The following ARHGAP31 variants were observed in gnomAD, a reference collection of about 807,000 sequenced individuals.
ARHGAP31 encodes Rho GTPase activating protein 31.
Under a neutral mutation model 113.9 loss-of-function variants are expected in ARHGAP31, and 34 were observed. The observed-to-expected ratio is 0.30, with a 90% confidence interval of 0.23 to 0.40. The LOEUF is 0.40. Ranked by LOEUF, ARHGAP31 falls within the 10% of genes least tolerant of loss-of-function variation. The pLI, the probability that ARHGAP31 is intolerant of heterozygous loss-of-function variation, is 1.00. For missense variants in ARHGAP31, 1,548 were observed against 1,767.1 expected, an observed-to-expected ratio of 0.88 and a Z score of 2.22; for synonymous variants, 650 against 684.8, an observed-to-expected ratio of 0.95 and a Z score of 0.79.
Position 119,401,935 on chromosome 3 carries a change from G to A in ARHGAP31, c.1183G>A (p.Glu395Lys). 2 of 1,614,134 alleles carry A rather than the reference G, an allele frequency of 1.2e-6. No individual in the cohort carries two copies. Among genetic ancestry groups the A allele is most frequent in the Non-Finnish European group, 1.7e-6 (2 of 1,180,016 alleles). Residue 395 changes from glutamate to lysine, a missense_variant, in exon 10 of 12, where the codon GAG becomes AAG. By Grantham distance (56) the Glu-to-Lys change is moderately conservative. Coordinates refer to ENST00000264245, the MANE Select transcript of ARHGAP31 (RefSeq NM_020754.4). ...TGSSCDLTKQ[E>K]GEWGQEGMPP... ...CAGCTCATGTGACCTCACCAAGCAG[G>A]AGGGCGAATGGGGCCAGGAGGGGAT...
At chr3:119,359,915 C>G (rs1355609676) in intron 1 of ARHGAP31, among the ~76,000 whole-genome samples, 2 of 152,134 alleles carry the variant, frequency 1.3e-5, no homozygotes, top group African/African-American at 4.8e-5. Flanking sequence ...AGGATTTCTT[C>G]CTGTGCAGTG....
intron 1 of ARHGAP31, among the ~76,000 whole-genome samples, chr3:119,297,201 G>A (rs1299323147): frequency 1.3e-5 from 2 of 152,144 alleles, no homozygotes; most frequent in Admixed American, 6.5e-5. Context: ...GTTTTTTTCT[G>A]TGTATTTGTG....
intron 6 of ARHGAP31, among the ~76,000 whole-genome samples, chr3:119,390,473 C>T (rs1452065958): frequency 6.6e-6 from 1 of 152,194 alleles, no homozygotes; most frequent in Non-Finnish European, 1.5e-5. Context: ...GTCACTCTGG[C>T]TCACAGTGAG....
intron 1 of ARHGAP31, among the ~76,000 whole-genome samples, chr3:119,315,002 C>T (rs1297622903): frequency 6.6e-6 from 1 of 152,232 alleles, no homozygotes; most frequent in Non-Finnish European, 1.5e-5. Context: ...CCCTCCTCCA[C>T]ACCCTTGTGC....
chr3:119,370,090 C>T (rs1008097124), intron 3 of ARHGAP31, among the ~76,000 whole-genome samples: 2 of 152,154 alleles, frequency 1.3e-5, no homozygotes, highest in Admixed American at 1.3e-4. Flanking sequence ...TCCTTTAGAT[C>T]TAAGGCAGAA....
chr3:119,395,129 GA>G (rs1157193527), intron 8 of ARHGAP31, among the ~76,000 whole-genome samples: 1 of 152,164 alleles, frequency 6.6e-6, no homozygotes, highest in East Asian at 1.9e-4. Context: ...AGATTTGGGG[GA>G]AAATTAATTC....
chr3:119,413,934 C>T lies in ARHGAP31; in HGVS notation c.2005C>T (p.Leu669Phe). 2 of 1,614,170 alleles carry T rather than the reference C, an allele frequency of 1.2e-6. No individual in the cohort carries two copies. Among genetic ancestry groups the T allele is most frequent in the Non-Finnish European group, 1.7e-6 (2 of 1,180,026 alleles). Residue 669 changes from leucine (L) to phenylalanine (F), a missense_variant, in exon 12 of 12, where the codon CTC becomes TTC. Leu to Phe is a conservative substitution (Grantham distance 22). Transcript: ENST00000264245. ...ELKIIESEEE[L>F]SSLPPPALKT... is the part of the protein sequence containing the mutation. ...GAAAATCATTGAATCTGAGGAGGAG[C>T]TCTCATCGTTGCCACCTCCTGCTCT...
rs2080790568 is a variant in ARHGAP31 at position 119,417,695 on chromosome 3, T to C, written c.*1431T>C. ...CAACTCTGTATACAAGCAGAAGCAATAAACCAATCTGATTTTCTTTTCAAT... is the reference window on the plus strand; with the variant it reads ...CAACTCTGTATACAAGCAGAAGCAACAAACCAATCTGATTTTCTTTTCAAT... On this transcript the variant is annotated 3_prime_UTR_variant, in exon 12 of 12. Transcript: ENST00000264245. 1 of 152,002 alleles carries C rather than the reference T, an allele frequency of 6.6e-6. No individual in the cohort carries two copies. Among genetic ancestry groups the C allele is most frequent in the Non-Finnish European group, 1.5e-5 (1 of 68,004 alleles). 9.4% of individuals were successfully genotyped at this position (152,002 alleles called of 1,614,324 possible).
At chr3:119,402,692 G>A (rs1170569919) in intron 10 of ARHGAP31, among the ~76,000 whole-genome samples, 7 of 152,094 alleles carry the variant, frequency 4.6e-5, no homozygotes, top group Non-Finnish European at 8.8e-5. Context: ...TCAGAACAGT[G>A]TCTACATACA....
chr3:119,365,941 A>G (rs1180978800), intron 2 of ARHGAP31, among the ~76,000 whole-genome samples: 1 of 152,140 alleles, frequency 6.6e-6, no homozygotes, highest in Non-Finnish European at 1.5e-5. Flanking sequence ...AAAATAAAAA[A>G]TAATAAAAAT....
At chr3:119,388,505 T>A (rs2080474473) in intron 6 of ARHGAP31, among the ~76,000 whole-genome samples, 1 of 151,900 alleles carries the variant, frequency 6.6e-6, no homozygotes, top group Non-Finnish European at 1.5e-5. Flanking sequence ...GCCTTCCAGC[T>A]CCTGTGTGGA....
At chr3:119,321,151 C>A (rs1221777414) in intron 1 of ARHGAP31, among the ~76,000 whole-genome samples, 3 of 151,964 alleles carry the variant, frequency 2.0e-5, no homozygotes, top group East Asian at 3.9e-4. Flanking sequence ...TCTTTAACTT[C>A]CATATACCCT....
At chr3:119,371,008 TG>T (rs1164450347) in intron 3 of ARHGAP31, among the ~76,000 whole-genome samples, 5 of 152,204 alleles carry the variant, frequency 3.3e-5, no homozygotes, top group African/African-American at 4.8e-5. Context: ...TTAAATTATT[TG>T]TTGACCTGAA....
chr3:119,368,955 G>C (rs1014192834), intron 3 of ARHGAP31, among the ~76,000 whole-genome samples: 1 of 152,154 alleles, frequency 6.6e-6, no homozygotes, highest in Non-Finnish European at 1.5e-5. Flanking sequence ...GGTGGGTAGA[G>C]AGGGGAGAGG....
rs751312975 is a variant in ARHGAP31 at position 119,402,316 on chromosome 3, C to G, written c.1564C>G (p.Leu522Val). 1.2e-6 allele frequency: 2 copies of G among 1,614,200 alleles called. No individual in the cohort carries two copies. Among genetic ancestry groups the G allele is most frequent in the Admixed American group, 1.7e-5 (1 of 60,034 alleles). The change falls in exon 10 of 12, where the codon CTG becomes GTG. Residue 522 changes from leucine to valine, a missense_variant. By Grantham distance (32) the Leu-to-Val change is conservative (BLOSUM62 1). Coordinates refer to ENST00000264245, the MANE Select transcript of ARHGAP31 (RefSeq NM_020754.4). ...PPKELQSLSS[L>V]EEFSFHGSES... is the part of the protein sequence containing the mutation. ...GAAGGAGCTGCAGTCTCTTTCCAGCCTGGAAGAGTTTTCTTTTCATGGATC... is the reference window on the plus strand; with the variant it reads ...GAAGGAGCTGCAGTCTCTTTCCAGCGTGGAAGAGTTTTCTTTTCATGGATC...
At chr3:119,409,353 G>A (rs1294816437) in intron 10 of ARHGAP31, 143 bp from the exon 11 acceptor site, 1 of 959,904 alleles carries the variant, frequency 1.0e-6, no homozygotes, top group Non-Finnish European at 1.6e-6. Context: ...TAGGATAAAA[G>A]AGTAAATGCA....
rs765577898 is a variant in ARHGAP31, at chr3:119,415,667, TGCCAAA to T, written c.3740_3745del (p.Ala1247_Lys1248del). The T allele has an allele frequency of 6.2e-7, 1 of 1,614,036 alleles. No homozygotes were observed. The highest frequency in any genetic ancestry group is 8.5e-7 in the Non-Finnish European group (1 of 1,179,996). On this transcript the variant is annotated inframe_deletion, in exon 12 of 12. Coordinates refer to ENST00000264245, the MANE Select transcript of ARHGAP31 (RefSeq NM_020754.4). Reference sequence around the variant, plus strand: ...CAACCAGTGGGACCACTCAGAAACCTGCCAAAGATGATTCTCCCTCCTCCCTGGAAA... The same window carrying T: ...CAACCAGTGGGACCACTCAGAAACCTGATGATTCTCCCTCCTCCCTGGAAA...
chr3:119,329,281 T>G (rs1414287755), intron 1 of ARHGAP31, among the ~76,000 whole-genome samples: 1 of 152,204 alleles, frequency 6.6e-6, no homozygotes, highest in Admixed American at 6.5e-5. Context: ...TTGAGCCACA[T>G]ATCAATATAG....
At chr3:119,353,787 C>CAAAAA (rs5852199) in intron 1 of ARHGAP31, among the ~76,000 whole-genome samples, 4 of 88,250 alleles carry the variant, frequency 4.5e-5, no homozygotes, top group Non-Finnish European at 6.9e-5. Context: ...GACTCCATCT[C>CAAAAA]AAAAAAAAAA....
Sources: gnomAD v4.1 joint callset for allele counts (sites outside exome capture counted in the v4.1 genomes callset) on GRCh38, gnomAD v4.1.1 for gene constraint, MANE v1.5 for transcripts, NCBI Gene and HGNC (gene_info 2026-07-23, HGNC 2026-07-21) for gene names.